EIF2B3: variants seen among roughly 807,000 people sequenced by gnomAD.
EIF2B3 encodes eukaryotic translation initiation factor 2B subunit gamma, also known as translation initiation factor eIF2B subunit gamma.
EIF2B3 carries 20 observed loss-of-function variants against 54.1 expected under a neutral mutation model. The observed-to-expected ratio is 0.37, with a 90% CI of 0.26 to 0.54. The LOEUF is 0.54. Among genes scored for constraint, EIF2B3 ranks in the 20% least tolerant of loss-of-function variants. The pLI, the probability that EIF2B3 is intolerant of heterozygous loss-of-function variation, is 0.86. For missense variants in EIF2B3, 448 were observed against 547.8 expected, an observed-to-expected ratio of 0.82 and a Z score of 1.82; for synonymous variants, 153 against 188.1, an observed-to-expected ratio of 0.81 and a Z score of 1.52.
At chr1:44,934,991 G>A (rs1431935755) in intron 4 of EIF2B3, among the ~76,000 whole-genome samples, 1 of 152,210 alleles carries the variant, frequency 6.6e-6, no homozygotes, top group Non-Finnish European at 1.5e-5. Context: ...GAGCTAAGCC[G>A]ATTAAGAGGT....
intron 11 of EIF2B3, among the ~76,000 whole-genome samples, chr1:44,853,131 G>T (rs1398057462): frequency 1.3e-5 from 2 of 152,080 alleles, no homozygotes; most frequent in African/African-American, 4.8e-5. Context: ...GCTGATCAAT[G>T]ATGCGGTGAA....
intron 5 of EIF2B3, chr1:44,924,912 G>A (rs972047928): frequency 6.6e-6 from 1 of 152,116 alleles, no homozygotes; most frequent in Non-Finnish European, 1.5e-5. Flanking sequence ...TATTTGTACA[G>A]CTGACATTCT....
At chr1:44,895,991 G>A (rs970772812) in intron 6 of EIF2B3, among the ~76,000 whole-genome samples, 1 of 152,120 alleles carries the variant, frequency 6.6e-6, no homozygotes, top group Non-Finnish European at 1.5e-5. Flanking sequence ...AATACAAACA[G>A]CTTAGACTGG....
intron 1 of EIF2B3, among the ~76,000 whole-genome samples, chr1:44,981,831 G>A (rs746422484): frequency 9.2e-5 from 14 of 151,362 alleles, no homozygotes; most frequent in South Asian, 4.2e-4. Flanking sequence ...CAGCTACTTG[G>A]GAAGCTGAAG....
In EIF2B3 at chr1:44,857,793, C is replaced by A. The variant is rs777419400; in HGVS notation, c.1217G>T (p.Gly406Val). 1 of 1,614,072 alleles carries A rather than the reference C, an allele frequency of 6.2e-7. No homozygotes were observed. Among genetic ancestry groups the A allele is most frequent in the Non-Finnish European group, 8.5e-7 (1 of 1,179,988 alleles). ...CACAGCATTGTTGCAGATGACACTG[C>A]CTTGGATATTGCTTCTGTAACACAG... is the stretch of plus-strand genomic sequence containing the variant. Reference protein sequence around the residue: ...VTVEEGSNIQGSVICNNAVIE... With the variant: ...VTVEEGSNIQVSVICNNAVIE... The change falls in exon 11 of 12, where the codon GGC becomes GTC. Residue 406 changes from glycine to valine, a missense_variant. Coordinates refer to ENST00000360403, the MANE Select transcript of EIF2B3 (RefSeq NM_020365.5).
At chr1:44,963,870 C>T (rs1644310250) in intron 3 of EIF2B3, among the ~76,000 whole-genome samples, 1 of 152,218 alleles carries the variant, frequency 6.6e-6, no homozygotes, top group Admixed American at 6.5e-5. Flanking sequence ...TTTCCCTCTA[C>T]CCTATAGCCC....
intron 5 of EIF2B3, among the ~76,000 whole-genome samples, chr1:44,923,063 A>G (rs1028296272): frequency 6.6e-6 from 1 of 152,064 alleles, no homozygotes; most frequent in African/African-American, 2.4e-5. Context: ...ACTGATTTTC[A>G]TATATTGACT....
At chr1:44,939,384 A>C (rs942926712) in intron 4 of EIF2B3, among the ~76,000 whole-genome samples, 1 of 152,202 alleles carries the variant, frequency 6.6e-6, no homozygotes, top group Admixed American at 6.5e-5. Flanking sequence ...CCAAACTGAC[A>C]ATTTAAGCAT....
chr1:44,958,782 G>A, intron 3 of EIF2B3: 1 of 1,433,784 alleles, frequency 7.0e-7, no homozygotes, highest in Non-Finnish European at 9.8e-7. Flanking sequence ...TAAAGCTATG[G>A]TATTGGCAGG....
At chr1:44,926,864 G>A (rs1348018833) in intron 4 of EIF2B3, 125 bp from the exon 5 acceptor site, 7 of 867,300 alleles carry the variant, frequency 8.1e-6, no homozygotes, top group Admixed American at 2.1e-5. Flanking sequence ...GGTGGGTGCA[G>A]TGGCTCACGC....
intron 1 of EIF2B3, among the ~76,000 whole-genome samples, chr1:44,981,942 CAAA>C (rs35864275): frequency 3.8e-5 from 3 of 78,972 alleles, no homozygotes; most frequent in Non-Finnish European, 7.9e-5. Context: ...GATCCTGTCT[CAAA>C]AAAAAAAAAA....
intron 5 of EIF2B3, among the ~76,000 whole-genome samples, chr1:44,899,945 C>T (rs995686067): frequency 6.6e-6 from 1 of 152,162 alleles, no homozygotes; most frequent in African/African-American, 2.4e-5. Flanking sequence ...TGCCCATCAA[C>T]AGTGGACTGG....
chr1:44,948,164 A>G (rs1644123306), intron 3 of EIF2B3, among the ~76,000 whole-genome samples: 1 of 152,252 alleles, frequency 6.6e-6, no homozygotes, highest in African/African-American at 2.4e-5. Context: ...CAGTAGCTCT[A>G]GGAAGGGAAA....
In EIF2B3 at chr1:44,928,371, T is replaced by C. The variant is rs181577526; in HGVS notation, c.455-1632A>G. Among the ~76,000 whole-genome samples, 788 of 152,184 alleles carry C rather than the reference T, an allele frequency of 5.2e-3. 10 individuals are homozygous for C. Among genetic ancestry groups the C allele is most frequent in the African/African-American group, 0.018 (757 of 41,526 alleles). On this transcript the variant is annotated intron_variant, in intron 4 of 11. Coordinates refer to ENST00000360403, the MANE Select transcript of EIF2B3 (RefSeq NM_020365.5). ...CTGAGGCAGGAGAATCACTTGTACC[T>C]GGGAGGCAGAGGCTGCAGTGAGCTG...
At chr1:44,913,551 C>G (rs950655624) in intron 5 of EIF2B3, among the ~76,000 whole-genome samples, 1 of 152,012 alleles carries the variant, frequency 6.6e-6, no homozygotes, top group Non-Finnish European at 1.5e-5. Context: ...GTCACCCAGG[C>G]TAGAGTTCAG....
At chr1:44,955,166 A>G (rs1385355990) in intron 3 of EIF2B3, among the ~76,000 whole-genome samples, 3 of 152,184 alleles carry the variant, frequency 2.0e-5, no homozygotes, top group Non-Finnish European at 4.4e-5. Flanking sequence ...TGGTACCAAA[A>G]CAGATATATA....
intron 10 of EIF2B3, among the ~76,000 whole-genome samples, chr1:44,862,467 G>A (rs1314148227): frequency 6.6e-6 from 1 of 152,156 alleles, no homozygotes; most frequent in Non-Finnish European, 1.5e-5. Flanking sequence ...TATCACCTGA[G>A]GAAGAAGGCT....
At chr1:44,865,996 G>A (rs1202644515) in intron 10 of EIF2B3, among the ~76,000 whole-genome samples, 2 of 152,046 alleles carry the variant, frequency 1.3e-5, no homozygotes, top group Admixed American at 1.3e-4. Context: ...TATAGTAGAG[G>A]GGTTAAATCA....
At chr1:44,931,272 T>C (rs1477010383) in intron 4 of EIF2B3, among the ~76,000 whole-genome samples, 1 of 152,132 alleles carries the variant, frequency 6.6e-6, no homozygotes, top group Non-Finnish European at 1.5e-5. Context: ...CCTAGGGAAA[T>C]GAAATTCTCC....
Sources: allele counts gnomAD v4.1 joint callset (sites outside exome capture counted in the v4.1 genomes callset), GRCh38; gene constraint gnomAD v4.1.1; transcripts MANE v1.5; gene names NCBI Gene and HGNC (gene_info 2026-07-23, HGNC 2026-07-21).